Variants in ABCG2 observed in about 807,000 individuals in gnomAD.
ABCG2 encodes the protein ATP binding cassette subfamily G member 2 (JR blood group).
ABCG2 carries 80 observed loss-of-function variants against 73.5 expected under a neutral mutation model. The observed-to-expected ratio is 1.09, with a 90% CI of 0.91 to 1.31. The LOEUF (loss-of-function observed/expected upper bound fraction) is 1.31. Ranked by LOEUF, ABCG2 falls within the 50% of genes most tolerant of loss-of-function variation. The pLI is 0.00. For missense variants in ABCG2, 796 were observed against 786.2 expected (o/e 1.01, Z -0.15); for synonymous variants, 269 against 282.4 (o/e 0.95, Z 0.48).
chr4:88,160,139 G>A (rs1000819569), upstream of ABCG2, among the ~76,000 whole-genome samples: 1 of 151,762 alleles, frequency 6.6e-6, no homozygotes, highest in African/African-American at 2.4e-5. Context: ...TACTCGCGAG[G>A]CTAAGGAACA....
intron 1 of ABCG2, among the ~76,000 whole-genome samples, chr4:88,214,233 G>T (rs1010998188): frequency 2.7e-5 from 4 of 150,572 alleles, no homozygotes; most frequent in African/African-American, 4.9e-5. Flanking sequence ...CAGTGTACCC[G>T]CCTCAGCTTC....
intron 1 of ABCG2, among the ~76,000 whole-genome samples, chr4:88,194,255 A>G (rs994935401): frequency 4.6e-5 from 7 of 152,056 alleles, no homozygotes; most frequent in Non-Finnish European, 1.0e-4. Flanking sequence ...ACAAGACAGA[A>G]GGAGTGTGGG....
chr4:88,159,967 G>C (rs1217242821), upstream of ABCG2, among the ~76,000 whole-genome samples: 2 of 152,130 alleles, frequency 1.3e-5, no homozygotes, highest in Non-Finnish European at 2.9e-5. Flanking sequence ...ATTAAGGCCA[G>C]CACGGTGGCT....
chr4:88,097,674 T>C (rs1722081163), intron 12 of ABCG2, 67 bp from the exon 13 acceptor site: 3 of 1,510,334 alleles, frequency 2.0e-6, no homozygotes, highest in South Asian at 1.2e-5. Flanking sequence ...GGATTGCTTA[T>C]TGTGCAAATT....
chr4:88,189,518 A>AATAT (rs1439634498), intron 1 of ABCG2, among the ~76,000 whole-genome samples: 1 of 128,876 alleles, frequency 7.8e-6, no homozygotes, highest in Non-Finnish European at 1.7e-5. Context: ...TGCATCTAAA[A>AATAT]ATATAAATAA....
intron 1 of ABCG2, among the ~76,000 whole-genome samples, chr4:88,141,266 G>A (rs559480102): frequency 3.4e-4 from 52 of 152,238 alleles, no homozygotes; most frequent in African/African-American, 7.9e-4. Context: ...CCAAAATCAC[G>A]GAATGGCGGG....
intron 13 of ABCG2, among the ~76,000 whole-genome samples, chr4:88,097,042 A>T (rs189817431): frequency 6.6e-6 from 1 of 152,140 alleles, no homozygotes; most frequent in East Asian, 1.9e-4. Context: ...ATAAATTAAA[A>T]ATGTTAAAAA....
intron 1 of ABCG2, among the ~76,000 whole-genome samples, chr4:88,187,093 CAAAAAAAAAAAAA>C (rs61116461): frequency 1.3e-4 from 6 of 45,194 alleles, no homozygotes; most frequent in Admixed American, 8.6e-4. Flanking sequence ...GATTCTGTCT[CAAAAAAAAAAAAA>C]AAAAAAAAAA....
Position 88,099,415 on chromosome 4 carries a change from T to A in ABCG2, c.1401A>T (p.Ser467=). ...HEYISGYYRV[S]SYFLGKLLSD... ...ATAACAGTTTTCCAAGGAAATAAGA[T>A]GACACTCTGTAGTATCCGCTGATGT... Residue 467 remains serine (S), a synonymous_variant, in exon 12 of 16, where the codon TCA becomes TCT. Coordinates refer to ENST00000237612, the MANE Select transcript of ABCG2 (RefSeq NM_004827.3). The A allele has an allele frequency of 2.5e-6, 4 of 1,611,552 alleles. No individual in the cohort carries two copies. The highest frequency in any genetic ancestry group is 3.4e-6 in the Non-Finnish European group (4 of 1,178,908).
Position 88,099,332 on chromosome 4 carries a change from A to G in ABCG2, c.1484T>C (p.Phe495Ser), listed in dbSNP as rs752212459. ...PSIIFTCIVY[F>S]MLGLKPKADA... ...TTTTGTTACATACTTACCTAACATG[A>G]AGTACACTATACAGGTAAATATAAT... Residue 495 changes from phenylalanine (F) to serine (S), a missense_variant, in exon 12 of 16, where the codon TTC becomes TCC. Transcript: ENST00000237612. 6 of 1,596,318 alleles carry G rather than the reference A, an allele frequency of 3.8e-6. No individual in the cohort carries two copies. The highest frequency in any genetic ancestry group is 5.1e-6 in the Non-Finnish European group (6 of 1,173,492).
At chr4:88,207,685 T>A (rs1024973838) in intron 1 of ABCG2, among the ~76,000 whole-genome samples, 3 of 152,100 alleles carry the variant, frequency 2.0e-5, no homozygotes, top group African/African-American at 7.2e-5. Flanking sequence ...GGTGAGACTA[T>A]AGGCATGCCC....
chr4:88,195,219 G>A (rs1460021914), intron 1 of ABCG2, among the ~76,000 whole-genome samples: 1 of 152,138 alleles, frequency 6.6e-6, no homozygotes, highest in African/African-American at 2.4e-5. Context: ...GGGAAACAGA[G>A]TGAGACCCTG....
upstream of ABCG2, among the ~76,000 whole-genome samples, chr4:88,160,848 C>CAAAAA (rs765758097): frequency 1.1e-4 from 4 of 37,440 alleles, no homozygotes; most frequent in Admixed American, 2.9e-4. Context: ...GACTCCATCT[C>CAAAAA]AAAAAAAAAA....
At chr4:88,106,402 G>A (rs1722773236) in intron 10 of ABCG2, among the ~76,000 whole-genome samples, 2 of 152,014 alleles carry the variant, frequency 1.3e-5, no homozygotes, top group Admixed American at 1.3e-4. Context: ...AACGAAATGT[G>A]GTATGTACAT....
intron 14 of ABCG2, 23 bp downstream of exon 14, chr4:88,095,497 A>G (rs764700009): frequency 1.8e-5 from 29 of 1,591,820 alleles, no homozygotes; most frequent in Admixed American, 3.3e-5. Context: ...ATGCAGTCAC[A>G]GTGACAGACA....
chr4:88,155,422 C>T (rs1228045368), intron 1 of ABCG2, among the ~76,000 whole-genome samples: 1 of 152,006 alleles, frequency 6.6e-6, no homozygotes, highest in Non-Finnish European at 1.5e-5. Context: ...AGTACAGAGC[C>T]AGGATGAGCC....
At chr4:88,147,932 A>G (rs1726166037) in intron 1 of ABCG2, among the ~76,000 whole-genome samples, 1 of 152,226 alleles carries the variant, frequency 6.6e-6, no homozygotes, top group South Asian at 2.1e-4. Context: ...ATCCTGTTTC[A>G]ATGCAGGACA....
rs1325641842 is a variant in ABCG2, at chr4:88,172,590, A to AT, written c.-19-32577_-19-32576insA. ...AAGACTCTGTCTCAGGGAAAAAAAAAAAAATTAATTAATTAATTAAATTAA... is the reference window on the plus strand; with the variant it reads ...AAGACTCTGTCTCAGGGAAAAAAAAATAAAATTAATTAATTAATTAAATTAA... On this transcript the variant is annotated intron_variant, in intron 1 of 15. Transcript: ENST00000515655. 8.2e-4 allele frequency among the ~76,000 whole-genome samples: 123 copies of AT among 150,870 alleles called. 1 individual carries two copies. The highest frequency in any genetic ancestry group is 1.5e-3 in the South Asian group (7 of 4,688).
intron 9 of ABCG2, among the ~76,000 whole-genome samples, chr4:88,110,320 C>T (rs1165068210): frequency 2.0e-5 from 3 of 151,860 alleles, no homozygotes; most frequent in Non-Finnish European, 4.4e-5. Flanking sequence ...AGCGGGTGGA[C>T]CCACCTGAGG....
Sources: gnomAD v4.1 joint callset for allele counts (sites outside exome capture counted in the v4.1 genomes callset) on GRCh38, gnomAD v4.1.1 for gene constraint, MANE v1.5 for transcripts, NCBI Gene and HGNC (gene_info 2026-07-23, HGNC 2026-07-21) for gene names.